Variants in PI4K2A observed in about 807,000 individuals in gnomAD.
PI4K2A encodes the protein phosphatidylinositol 4-kinase type 2 alpha, also known as phosphatidylinositol 4-kinase type 2-alpha.
Under a neutral mutation model 55.0 loss-of-function variants are expected in PI4K2A, and 20 were observed. That is an observed-to-expected ratio of 0.36 (90% CI 0.26 to 0.53). The LOEUF (loss-of-function observed/expected upper bound fraction) is 0.53. PI4K2A is among the 20% of genes least tolerant of loss of function. The probability of loss-of-function intolerance (pLI) is 0.91; values close to 1 mark genes in which losing one functional copy is unlikely to be tolerated. For synonymous variants in PI4K2A, 235 were observed against 258.5 expected, an observed-to-expected ratio of 0.91 and a Z score of 0.87; for missense variants, 463 against 637.1, an observed-to-expected ratio of 0.73 and a Z score of 2.94.
At chr10:97,654,098 G>A (rs995850596) in intron 2 of PI4K2A, among the ~76,000 whole-genome samples, 1 of 152,188 alleles carries the variant, frequency 6.6e-6, no homozygotes, top group African/African-American at 2.4e-5. Flanking sequence ...CATTGCATTG[G>A]AACTTCAAAT....
rs544158490 is a variant in PI4K2A, at chr10:97,673,149, G to A, written c.1279-432G>A. ...CTACAGGCGTGTGCCACCACGGTCGGCTAATTTTTTTTGGTATTTTTAGTA... is the reference window on the plus strand; with the variant it reads ...CTACAGGCGTGTGCCACCACGGTCGACTAATTTTTTTTGGTATTTTTAGTA... On this transcript the variant is annotated intron_variant, in intron 8 of 8. Coordinates refer to ENST00000370631, the Ensembl canonical transcript of PI4K2A. Among the ~76,000 whole-genome samples, 221 of 151,966 alleles carry A rather than the reference G, an allele frequency of 1.5e-3. 2 individuals are homozygous for A. Among genetic ancestry groups the A allele is most frequent in the Admixed American group, 4.0e-3 (61 of 15,250 alleles).
chr10:97,650,915 A>G, intron 1 of PI4K2A, 26 bp from the exon 2 acceptor site: 1 of 1,573,762 alleles, frequency 6.4e-7, no homozygotes, highest in Non-Finnish European at 8.7e-7. Context: ...CGGATTTAAC[A>G]TCCTCTTTTT....
At chr10:97,641,578 G>A (rs2041470083) in intron 1 of PI4K2A, among the ~76,000 whole-genome samples, 1 of 152,190 alleles carries the variant, frequency 6.6e-6, no homozygotes, top group African/African-American at 2.4e-5. Flanking sequence ...GACCGAACCA[G>A]TGTGTCGCTG....
chr10:97,659,400 T>C (rs746532300), intron 4 of PI4K2A, among the ~76,000 whole-genome samples: 3 of 146,198 alleles, frequency 2.1e-5, no homozygotes, highest in Non-Finnish European at 3.1e-5. Context: ...GTTCTAGTAG[T>C]TATTTTTTTG....
At chr10:97,661,987 G>C (rs112184318) in intron 4 of PI4K2A, among the ~76,000 whole-genome samples, 1,923 of 151,812 alleles carry the variant, frequency 0.013, 43 homozygotes, top group African/African-American at 0.043. Flanking sequence ...AAGTAGTTGG[G>C]ACTATAGGCA....
chr10:97,664,049 C>G (rs1363702674), intron 5 of PI4K2A, among the ~76,000 whole-genome samples: 1 of 152,068 alleles, frequency 6.6e-6, no homozygotes, highest in African/African-American at 2.4e-5. Flanking sequence ...TTCCTTATAA[C>G]TTTTTTACTT....
At chr10:97,654,713 AAGG>A (rs2041544133) in intron 2 of PI4K2A, among the ~76,000 whole-genome samples, 1 of 152,184 alleles carries the variant, frequency 6.6e-6, no homozygotes, top group South Asian at 2.1e-4. Flanking sequence ...ATTCATTTTA[AAGG>A]AGGAGTTAGA....
chr10:97,663,092 T>C (rs1201460522), intron 5 of PI4K2A, 124 bp downstream of exon 5: 8 of 675,726 alleles, frequency 1.2e-5, no homozygotes, highest in Non-Finnish European at 1.9e-5. Context: ...ATGTTTAAAA[T>C]TAATAGGTTA....
At position 97,663,268 on chromosome 10, in the gene PI4K2A, C is replaced by T. The variant is rs141169678; in HGVS notation, c.984+300C>T. On this transcript the variant is annotated intron_variant, in intron 5 of 8. Transcript: ENST00000370631. ...CATAGTAAAGGTCTGAGAAGTACTA[C>T]GTTAAACAAACCTATTTAAATTTGA... 1.4e-4 allele frequency among the ~76,000 whole-genome samples: 22 copies of T among 152,292 alleles called. 1 individual carries two copies. The East Asian group carries it at 3.7e-3, about 25-fold the overall frequency.
intron 1 of PI4K2A, among the ~76,000 whole-genome samples, chr10:97,642,924 C>CTTTCTTTCTTTCCTTT (rs1564772414): frequency 8.8e-6 from 1 of 113,534 alleles, no homozygotes. Context: ...TTCCTTCCTT[C>CTTTCTTTCTTTCCTTT]CTTTCTTTCC....
intron 1 of PI4K2A, 117 bp downstream of exon 1, chr10:97,641,294 G>T: frequency 1.4e-6 from 1 of 736,526 alleles, no homozygotes; most frequent in East Asian, 3.0e-5. Context: ...CCAGCCCCTG[G>T]CAGGATTTAG....
intron 4 of PI4K2A, 38 bp downstream of exon 4, chr10:97,657,012 CTG>C (rs1694903271): frequency 1.2e-6 from 2 of 1,611,270 alleles, no homozygotes; most frequent in Non-Finnish European, 1.7e-6. Flanking sequence ...CTGTGCCAGA[CTG>C]TGTTGAGGCA....
At chr10:97,645,607 C>CAA (rs1200079096) in intron 1 of PI4K2A, among the ~76,000 whole-genome samples, 16 of 49,476 alleles carry the variant, frequency 3.2e-4, no homozygotes, top group South Asian at 1.4e-3. Context: ...GACTCTATCT[C>CAA]AAAAAAAAAA....
intron 1 of PI4K2A, among the ~76,000 whole-genome samples, chr10:97,642,208 C>T (rs1243227592): frequency 6.6e-6 from 1 of 151,930 alleles, no homozygotes; most frequent in African/African-American, 2.4e-5. Context: ...CCTGAGTGGC[C>T]AGGACGGGCT....
chr10:97,671,744 A>T (rs539173055), intron 8 of PI4K2A, among the ~76,000 whole-genome samples: 1 of 152,032 alleles, frequency 6.6e-6, no homozygotes, highest in African/African-American at 2.4e-5. Context: ...GGTTCACGTG[A>T]TTCTCCCTCC....
chr10:97,664,807 A>T (rs2041602052), intron 5 of PI4K2A, 78 bp from the exon 6 acceptor site: 1 of 875,976 alleles, frequency 1.1e-6, no homozygotes, highest in African/African-American at 1.6e-5. Flanking sequence ...GGGAGTTGGG[A>T]TGAGTTGCTT....
chr10:97,659,401 TA>T (rs34030181), intron 4 of PI4K2A, among the ~76,000 whole-genome samples: 25,657 of 152,060 alleles, frequency 0.17, 2,393 homozygotes, highest in Non-Finnish European at 0.21. Flanking sequence ...TTCTAGTAGT[TA>T]TTTTTTTGTG....
intron 2 of PI4K2A, among the ~76,000 whole-genome samples, chr10:97,651,531 C>T (rs751806338): frequency 9.2e-5 from 14 of 152,184 alleles, no homozygotes; most frequent in Non-Finnish European, 1.8e-4. Context: ...CAGCTAAGAA[C>T]TTCTGCAGGG....
chr10:97,658,966 C>T (rs908928859), intron 4 of PI4K2A, among the ~76,000 whole-genome samples: 2 of 152,136 alleles, frequency 1.3e-5, no homozygotes, highest in African/African-American at 4.8e-5. Flanking sequence ...TTAAAGTTCT[C>T]TGTATATCTG....
Sources: allele counts gnomAD v4.1 joint callset (sites outside exome capture counted in the v4.1 genomes callset), GRCh38; gene constraint gnomAD v4.1.1; transcripts MANE v1.5; gene names NCBI Gene and HGNC (gene_info 2026-07-23, HGNC 2026-07-21).